The following CEACAM6 variants were observed in gnomAD, a reference collection of about 807,000 sequenced individuals.
The protein encoded by CEACAM6 is CEA cell adhesion molecule 6, also known as cell adhesion molecule CEACAM6.
A neutral mutation model predicts 32.4 loss-of-function variants in CEACAM6; 21 were observed. That is an observed-to-expected ratio of 0.65 (90% CI 0.46 to 0.93). The LOEUF is 0.93. CEACAM6 is among the 40% of genes least tolerant of loss of function. The pLI is 0.00. For synonymous variants in CEACAM6, 184 were observed against 174.4 expected, an observed-to-expected ratio of 1.06 and a Z score of -0.43; for missense variants, 406 against 432.2, an observed-to-expected ratio of 0.94 and a Z score of 0.54.
rs568298933 is a variant in CEACAM6 at position 41,762,214 on chromosome 19, A to T, written c.949A>T (p.Thr317Ser). The T allele has an allele frequency of 6.2e-7, 1 of 1,613,868 alleles. No homozygotes were observed. The highest frequency in any genetic ancestry group is 2.2e-5 in the East Asian group (1 of 44,878). ...GLNRTTVTMI[T>S]VSGSAPVLSA... ...CAATAGGACCACAGTCACGATGATC[A>T]CAGTCTCTGGTAAGTGGATCCATGA... is the stretch of plus-strand genomic sequence containing the variant. Residue 317 changes from threonine (T) to serine (S), a missense_variant, in exon 4 of 6, where the codon ACA (threonine) becomes TCA (serine). Coordinates refer to ENST00000199764, the MANE Select transcript of CEACAM6 (RefSeq NM_002483.7).
In CEACAM6 at chr19:41,766,302, A is replaced by G. The variant is rs2072955780; in HGVS notation, c.*40+3A>G. On this transcript the variant is annotated splice_donor_region_variant and intron_variant, in intron 5 of 5. Transcript: ENST00000199764. ...CGATATTTCAGGAAGACTGGCAGGT[A>G]TGATCGCCTTTCCTCTTGCCATGTT... 15 of 1,444,228 alleles carry G rather than the reference A, an allele frequency of 1.0e-5. No homozygotes were observed. The highest frequency in any genetic ancestry group is 1.4e-5 in the Non-Finnish European group (15 of 1,056,808). 89.5% of individuals were successfully genotyped at this position (1,444,228 alleles called of 1,614,324 possible).
chr19:41,758,718 C>T (rs187896027), intron 2 of CEACAM6, among the ~76,000 whole-genome samples: 39 of 152,238 alleles, frequency 2.6e-4, no homozygotes, highest in African/African-American at 8.4e-4. Flanking sequence ...GCTGGGATGC[C>T]CTGCCCTGCA....
rs1555822005 is a variant in CEACAM6, at chr19:41,762,231, G to A, written c.958+8G>A. 3 of 1,611,062 alleles carry A rather than the reference G, an allele frequency of 1.9e-6. No homozygotes were observed. In the South Asian group the frequency reaches 3.3e-5, roughly 18 times the overall value. On this transcript the variant is annotated splice_region_variant and intron_variant, in intron 4 of 5. Coordinates refer to ENST00000199764, the MANE Select transcript of CEACAM6 (RefSeq NM_002483.7). ...CGATGATCACAGTCTCTGGTAAGTG[G>A]ATCCATGAAGCACTAGCATCACATT...
chr19:41,755,960 G>T, intron 1 of CEACAM6, among the ~76,000 whole-genome samples: 1 of 152,088 alleles, frequency 6.6e-6, no homozygotes, highest in Non-Finnish European at 1.5e-5. Context: ...AAAGAAAAAT[G>T]ATAGAAATCA....
At chr19:41,769,106 C>T (rs936903852) in intron 5 of CEACAM6, among the ~76,000 whole-genome samples, 14 of 151,940 alleles carry the variant, frequency 9.2e-5, no homozygotes, top group Admixed American at 3.3e-4. Flanking sequence ...TCACCATGCC[C>T]GGCTAATTTT....
chr19:41,767,175 C>T (rs73047370), intron 5 of CEACAM6, among the ~76,000 whole-genome samples: 1,957 of 152,214 alleles, frequency 0.013, 23 homozygotes, highest in Middle Eastern at 0.031. Flanking sequence ...CCCTTTACCC[C>T]GGATGCACAT....
intron 5 of CEACAM6, among the ~76,000 whole-genome samples, chr19:41,767,979 T>A (rs1451599296): frequency 6.6e-6 from 1 of 152,216 alleles, no homozygotes; most frequent in Non-Finnish European, 1.5e-5. Context: ...CCAAAAATTA[T>A]AAGAGATTCC....
In CEACAM6 at chr19:41,761,255, T is replaced by C; in HGVS notation, c.431T>C (p.Leu144Pro). Residue 144 changes from leucine to proline, a missense_variant, in exon 3 of 6, where the codon CTG becomes CCG. Transcript: ENST00000199764. The stretch of plus-strand genomic sequence containing the variant: ...CTCTCTGTTTTCTGCACAGCGGAGC[T>C]GCCCAAGCCCTCCATCTCCAGCAAC... ...ATGQFHVYPE[L>P]PKPSISSNNS... 6.2e-7 allele frequency: 1 copy of C among 1,614,198 alleles called. No homozygotes were observed. The highest frequency in any genetic ancestry group is 8.5e-7 in the Non-Finnish European group (1 of 1,180,034).
chr19:41,756,528 G>C, intron 1 of CEACAM6, 72 bp from the exon 2 acceptor site: 1 of 1,554,048 alleles, frequency 6.4e-7, no homozygotes, highest in South Asian at 1.3e-5. Flanking sequence ...ACCTGCTCAG[G>C]ACCCAGGGCC....
intron 5 of CEACAM6, among the ~76,000 whole-genome samples, chr19:41,766,805 G>A (rs1173527213): frequency 6.6e-6 from 1 of 152,012 alleles, no homozygotes; most frequent in Non-Finnish European, 1.5e-5. Context: ...AGGAGATACA[G>A]ACCATCCTGG....
intron 4 of CEACAM6, among the ~76,000 whole-genome samples, chr19:41,764,643 A>C (rs1327571229): frequency 2.0e-5 from 3 of 152,178 alleles, no homozygotes; most frequent in Non-Finnish European, 4.4e-5. Flanking sequence ...CAGTCAACCT[A>C]GTAAATGATT....
Position 41,755,721 on chromosome 19 carries a change from C to G in CEACAM6, c.64+19C>G, listed in dbSNP as rs547901632. 1 of 1,592,632 alleles carries G rather than the reference C, an allele frequency of 6.3e-7. No individual in the cohort carries two copies. Among genetic ancestry groups the G allele is most frequent in the African/African-American group, 1.4e-5 (1 of 73,524 alleles). ...CTCACAGGTGAGGGGAGGACTCCCT[C>G]GGAGTGGATGGGAGGAGGGAGCACA... On this transcript the variant is annotated intron_variant, in intron 1 of 5. Coordinates refer to ENST00000199764, the MANE Select transcript of CEACAM6 (RefSeq NM_002483.7).
chr19:41,770,509 G>A (rs1290739919), intron 5 of CEACAM6, among the ~76,000 whole-genome samples: 3 of 152,040 alleles, frequency 2.0e-5, no homozygotes, highest in African/African-American at 7.2e-5. Flanking sequence ...CTTGGGAGGT[G>A]GAGGTTGCAG....
chr19:41,766,782 G>A (rs193239983), intron 5 of CEACAM6, among the ~76,000 whole-genome samples: 44 of 152,138 alleles, frequency 2.9e-4, no homozygotes, highest in Non-Finnish European at 3.5e-4. Context: ...CGAGGTGGGC[G>A]GATCATGAGG....
chr19:41,758,407 G>A (rs374727326), intron 2 of CEACAM6, among the ~76,000 whole-genome samples: 5 of 152,170 alleles, frequency 3.3e-5, no homozygotes, highest in South Asian at 4.1e-4. Context: ...TTTAGAGACC[G>A]GCTCCTGGAT....
At chr19:41,760,703 C>T (rs2072917284) in intron 2 of CEACAM6, among the ~76,000 whole-genome samples, 1 of 152,212 alleles carries the variant, frequency 6.6e-6, no homozygotes, top group African/African-American at 2.4e-5. Context: ...GACCTCCAGG[C>T]TTGCCCCTGG....
chr19:41,768,415 G>A (rs1031508576), intron 5 of CEACAM6, among the ~76,000 whole-genome samples: 4 of 152,158 alleles, frequency 2.6e-5, no homozygotes, highest in Admixed American at 2.0e-4. Flanking sequence ...CAAGTTTGGG[G>A]GTAAGGTCAC....
rs930305140 is a variant in CEACAM6 at position 41,771,004 on chromosome 19, A to G, written c.*243A>G. On this transcript the variant is annotated 3_prime_UTR_variant, in exon 6 of 6. Coordinates refer to ENST00000199764, the MANE Select transcript of CEACAM6 (RefSeq NM_002483.7). The stretch of plus-strand genomic sequence containing the variant: ...ACTAGAGACAGTCAAACTGCAAACC[A>G]TGGTGAGAAATTGACGACTTCACAC... The G allele has an allele frequency of 1.3e-5, 2 of 152,290 alleles. No individual in the cohort carries two copies. Among genetic ancestry groups the G allele is most frequent in the Admixed American group, 6.5e-5 (1 of 15,286 alleles). The allele number at this position is 152,290 out of a possible 1,614,324, so 9.4% of individuals were successfully genotyped here. A position where few individuals can be genotyped will look rare whatever the true frequency, so the allele number is the denominator to read the frequency against.
chr19:41,763,246 T>A (rs185204427), intron 4 of CEACAM6, among the ~76,000 whole-genome samples: 1 of 152,098 alleles, frequency 6.6e-6, no homozygotes, highest in Non-Finnish European at 1.5e-5. Flanking sequence ...TCTGTTCCCA[T>A]CAAACTCCTG....
Sources: gnomAD v4.1 joint callset for allele counts (sites outside exome capture counted in the v4.1 genomes callset) on GRCh38, gnomAD v4.1.1 for gene constraint, MANE v1.5 for transcripts, NCBI Gene and HGNC (gene_info 2026-07-23, HGNC 2026-07-21) for gene names.